The following KIF9 variants were observed in gnomAD, a reference collection of about 807,000 sequenced individuals.
KIF9 encodes the protein kinesin-like protein KIF9.
A neutral mutation model predicts 94.8 loss-of-function variants in KIF9; 68 were observed. The observed-to-expected ratio is 0.72, with a 90% CI of 0.59 to 0.88. The LOEUF (loss-of-function observed/expected upper bound fraction) is 0.88, where lower values mean the gene tolerates loss of function less well. Among genes scored for constraint, KIF9 ranks in the 40% least tolerant of loss-of-function variants. The probability of loss-of-function intolerance (pLI) is 0.00; values close to 1 mark genes in which losing one functional copy is unlikely to be tolerated. For missense variants in KIF9, 882 were observed against 982.5 expected (o/e 0.90, Z 1.37); for synonymous variants, 343 against 362.1 (o/e 0.95, Z 0.60).
At position 47,248,009 on chromosome 3, in the gene KIF9, G is replaced by C; in HGVS notation, c.1128+9C>G. ...CCTCTGCCCTCCTTCTTTGCCTCTA[G>C]CCTCTTACCAGGCTGTCATGGATAG... On this transcript the variant is annotated intron_variant, in intron 11 of 20. Coordinates refer to ENST00000684063, the MANE Select transcript of KIF9 (RefSeq NM_182902.4). 6.2e-7 allele frequency: 1 copy of C among 1,609,432 alleles called. No homozygotes were observed.
chr3:47,260,113 T>G, intron 9 of KIF9, among the ~76,000 whole-genome samples: 1 of 129,286 alleles, frequency 7.7e-6, no homozygotes, highest in South Asian at 3.0e-4. Context: ...AAAAACCGCC[T>G]TAGGGCTGGA....
chr3:47,252,226 C>A (rs1392282184), intron 10 of KIF9, among the ~76,000 whole-genome samples: 1 of 152,186 alleles, frequency 6.6e-6, no homozygotes, highest in Non-Finnish European at 1.5e-5. Context: ...CACATTCACA[C>A]TGGATGGCAC....
chr3:47,238,880 G>C (rs2107121949), intron 17 of KIF9, among the ~76,000 whole-genome samples: 1 of 152,020 alleles, frequency 6.6e-6, no homozygotes, highest in Middle Eastern at 3.4e-3. Context: ...AGCCAGGATG[G>C]CCTTGATCTC....
Position 47,246,194 on chromosome 3 carries a change from C to T in KIF9, c.1289+3G>A. ...GAATGAGGTAGGGGTGGGGGTCTCT[C>T]ACCTCAGAACCACCCGGAACTGGTT... On this transcript the variant is annotated splice_donor_region_variant and intron_variant, in intron 13 of 20. Transcript: ENST00000684063. The T allele has an allele frequency of 6.2e-7, 1 of 1,612,740 alleles. No individual in the cohort carries two copies. The highest frequency in any genetic ancestry group is 8.5e-7 in the Non-Finnish European group (1 of 1,179,096).
At chr3:47,261,655 A>G (rs1304546264) in intron 9 of KIF9, among the ~76,000 whole-genome samples, 4 of 152,224 alleles carry the variant, frequency 2.6e-5, no homozygotes, top group African/African-American at 9.6e-5. Flanking sequence ...CTGGTGGCTC[A>G]GAGCTCAGCC....
intron 8 of KIF9, among the ~76,000 whole-genome samples, chr3:47,264,570 C>T (rs1701178759): frequency 6.6e-6 from 1 of 152,094 alleles, no homozygotes; most frequent in Admixed American, 6.5e-5. Context: ...CCAAGTAGCT[C>T]GCACCACAGG....
chr3:47,267,988 C>A (rs1408411746), intron 5 of KIF9, among the ~76,000 whole-genome samples: 1 of 151,454 alleles, frequency 6.6e-6, no homozygotes, highest in Non-Finnish European at 1.5e-5. Flanking sequence ...CCTCCCACCT[C>A]GGCTTCCTGA....
chr3:47,249,198 T>C (rs1700116373), intron 10 of KIF9, among the ~76,000 whole-genome samples: 1 of 149,116 alleles, frequency 6.7e-6, no homozygotes, highest in African/African-American at 2.5e-5. Context: ...CAGGCTGGAG[T>C]ACAGTGGCGC....
chr3:47,281,225 C>T (rs1200436097), intron 1 of KIF9: 1 of 546,582 alleles, frequency 1.8e-6, no homozygotes. Flanking sequence ...CATATGATGT[C>T]ACTCCCCTTC....
intron 10 of KIF9, among the ~76,000 whole-genome samples, chr3:47,254,384 G>A (rs1010261257): frequency 6.6e-6 from 1 of 152,192 alleles, no homozygotes; most frequent in African/African-American, 2.4e-5. Context: ...CTTGAGCCTG[G>A]GAGGGAGAGG....
chr3:47,244,720 A>G (rs1699809496), intron 15 of KIF9, 71 bp downstream of exon 15: 2 of 1,555,172 alleles, frequency 1.3e-6, no homozygotes, highest in South Asian at 1.1e-5. Context: ...AAGTGGGAAC[A>G]GTGCACATCC....
At chr3:47,251,050 GC>G (rs1700240838) in intron 10 of KIF9, among the ~76,000 whole-genome samples, 1 of 152,232 alleles carries the variant, frequency 6.6e-6, no homozygotes, top group Non-Finnish European at 1.5e-5. Flanking sequence ...CCCTCTGGAA[GC>G]CCCACAAAGG....
At chr3:47,232,360 C>T (rs1335258983) in intron 20 of KIF9, among the ~76,000 whole-genome samples, 3 of 152,072 alleles carry the variant, frequency 2.0e-5, no homozygotes, top group African/African-American at 7.2e-5. Context: ...TCTCAGCTCA[C>T]CGCAACCTCC....
At chr3:47,228,776 T>A in intron 20 of KIF9, 74 bp from the exon 21 acceptor site, 1 of 1,157,556 alleles carries the variant, frequency 8.6e-7, no homozygotes, top group Non-Finnish European at 1.3e-6. Context: ...ACCAGGCCAC[T>A]CACATTCACC....
At chr3:47,228,955 T>C (rs1347465869) in intron 20 of KIF9, among the ~76,000 whole-genome samples, 1 of 152,184 alleles carries the variant, frequency 6.6e-6, no homozygotes, top group Non-Finnish European at 1.5e-5. Flanking sequence ...AGGAGGCATA[T>C]AGGTTTCAAG....
intron 14 of KIF9, chr3:47,245,200 A>T (rs1699843090): frequency 1.7e-6 from 1 of 599,692 alleles, no homozygotes; most frequent in African/African-American, 1.9e-5. Context: ...ATTCCAGGAA[A>T]TCGTCTTTAA....
Position 47,247,563 on chromosome 3 carries a change from TG to T in KIF9, c.1129-87del, listed in dbSNP as rs541518747. On this transcript the variant is annotated intron_variant, in intron 11 of 20. Coordinates refer to ENST00000684063, the MANE Select transcript of KIF9 (RefSeq NM_182902.4). ...GCAGGGGCCATTCTGAGAGGCAAAG[TG>T]GGGAGGCTGGGCACAGGCCCTGGCT... The T allele has an allele frequency of 2.2e-5, 23 of 1,029,392 alleles. 1 individual carries two copies. The South Asian group carries it at 2.9e-4, about 13-fold the overall frequency. 63.8% of individuals were successfully genotyped at this position (1,029,392 alleles called of 1,614,324 possible).
At chr3:47,253,590 A>AT (rs1460385774) in intron 10 of KIF9, among the ~76,000 whole-genome samples, 2 of 151,688 alleles carry the variant, frequency 1.3e-5, no homozygotes, top group African/African-American at 4.8e-5. Flanking sequence ...ACTCCCATGC[A>AT]TTTTTTCTTT....
At chr3:47,245,007 G>A in intron 14 of KIF9, 83 bp from the exon 15 acceptor site, 2 of 1,551,690 alleles carry the variant, frequency 1.3e-6, no homozygotes. Flanking sequence ...ATGGCCCAAG[G>A]CTCAGGGTGG....
Sources: allele counts gnomAD v4.1 joint callset (sites outside exome capture counted in the v4.1 genomes callset), GRCh38; gene constraint gnomAD v4.1.1; transcripts MANE v1.5; gene names NCBI Gene and HGNC (gene_info 2026-07-23, HGNC 2026-07-21).